The following MAPK10 variants were observed in gnomAD, a reference collection of about 807,000 sequenced individuals.
MAPK10 encodes the protein mitogen-activated protein kinase 10, also known as JNK3 alpha protein kinase.
A neutral mutation model predicts 59.3 loss-of-function variants in MAPK10; 25 were observed. The observed-to-expected ratio is 0.42, with a 90% CI of 0.31 to 0.59. MAPK10 has a LOEUF of 0.59. Ranked by LOEUF, MAPK10 falls within the 20% of genes least tolerant of loss-of-function variation. The probability of loss-of-function intolerance (pLI) is 0.15; values close to 1 mark genes in which losing one functional copy is unlikely to be tolerated. For synonymous variants in MAPK10, 190 were observed against 200.5 expected, an observed-to-expected ratio of 0.95 and a Z score of 0.44; for missense variants, 351 against 568.9, an observed-to-expected ratio of 0.62 and a Z score of 3.90.
chr4:86,389,624 C>T (rs1417339447), intron 1 of MAPK10, among the ~76,000 whole-genome samples: 1 of 152,082 alleles, frequency 6.6e-6, no homozygotes, highest in African/African-American at 2.4e-5. Context: ...ATGTGTAGTA[C>T]AGCCCCACAG....
chr4:86,419,473 T>C (rs1746245258), intron 1 of MAPK10, among the ~76,000 whole-genome samples: 1 of 152,176 alleles, frequency 6.6e-6, no homozygotes, highest in Non-Finnish European at 1.5e-5. Context: ...CTAATTACAC[T>C]GTAGGACTCA....
chr4:86,577,555 G>C (rs1412357273), intron 1 of MAPK10, among the ~76,000 whole-genome samples: 1 of 152,148 alleles, frequency 6.6e-6, no homozygotes, highest in East Asian at 1.9e-4. Flanking sequence ...ATGGAAAAAT[G>C]TGTTTGTTTG....
At chr4:86,148,649 C>G (rs2065604547) in intron 4 of MAPK10, among the ~76,000 whole-genome samples, 1 of 152,258 alleles carries the variant, frequency 6.6e-6, no homozygotes. Context: ...GAAACTATGA[C>G]TCCGTAATTT....
At chr4:86,121,165 C>G (rs1232039220) in intron 4 of MAPK10, among the ~76,000 whole-genome samples, 1 of 152,116 alleles carries the variant, frequency 6.6e-6, no homozygotes, top group Non-Finnish European at 1.5e-5. Flanking sequence ...ATTTGGGCTG[C>G]TATAACAAAA....
chr4:86,313,112 T>C (rs978737842), intron 2 of MAPK10, among the ~76,000 whole-genome samples: 1 of 152,084 alleles, frequency 6.6e-6, no homozygotes, highest in East Asian at 1.9e-4. Flanking sequence ...GATAGATAGA[T>C]ATACTTTTTA....
chr4:86,025,345 G>C, intron 13 of MAPK10: 1 of 393,582 alleles, frequency 2.5e-6, no homozygotes, highest in Non-Finnish European at 4.5e-6. Flanking sequence ...CTTGCCTGCA[G>C]CCACTTCTGC....
intron 3 of MAPK10, among the ~76,000 whole-genome samples, chr4:86,183,623 G>A (rs1311654643): frequency 3.3e-5 from 5 of 151,926 alleles, no homozygotes; most frequent in African/African-American, 1.2e-4. Flanking sequence ...TCTTTATAGT[G>A]GCATGATTTG....
At chr4:86,279,771 G>A (rs2094725389) in intron 2 of MAPK10, among the ~76,000 whole-genome samples, 2 of 152,084 alleles carry the variant, frequency 1.3e-5, no homozygotes, top group South Asian at 4.2e-4. Flanking sequence ...GCAGAATCAA[G>A]GAAGCAGAAA....
chr4:86,059,521 G>C (rs2045310425), intron 11 of MAPK10, among the ~76,000 whole-genome samples: 2 of 152,150 alleles, frequency 1.3e-5, no homozygotes, highest in Middle Eastern at 6.8e-3. Context: ...CTGTTACTCT[G>C]TTTCCCAGGT....
At chr4:86,212,438 C>T (rs184667359) in intron 2 of MAPK10, among the ~76,000 whole-genome samples, 2 of 152,200 alleles carry the variant, frequency 1.3e-5, no homozygotes, top group East Asian at 1.9e-4. Context: ...AGGAGGCTCA[C>T]TTGAGCCAGG....
rs1743362207 is a variant in MAPK10 at position 86,016,492 on chromosome 4, C to A, written c.*736G>T. Reference sequence around the variant, plus strand: ...CTTTCTACAAATTGGTATACAGGTGCCATTTAATCCATTCAAATTTGGAAG... The same window carrying A: ...CTTTCTACAAATTGGTATACAGGTGACATTTAATCCATTCAAATTTGGAAG... On this transcript the variant is annotated 3_prime_UTR_variant, in exon 14 of 14. Coordinates refer to ENST00000641462, the MANE Select transcript of MAPK10 (RefSeq NM_138982.4). The A allele has an allele frequency of 6.6e-6, 1 of 152,628 alleles. No homozygotes were observed. Among genetic ancestry groups the A allele is most frequent in the Non-Finnish European group, 1.5e-5 (1 of 68,048 alleles). The allele number at this position is 152,628 out of a possible 1,614,324, so 9.5% of individuals were successfully genotyped here. A position where few individuals can be genotyped will look rare whatever the true frequency, so the allele number is the denominator to read the frequency against.
At chr4:86,285,968 A>C (rs930640153) in intron 2 of MAPK10, among the ~76,000 whole-genome samples, 6 of 152,198 alleles carry the variant, frequency 3.9e-5, no homozygotes, top group African/African-American at 1.4e-4. Context: ...TCAGGCCCTC[A>C]ACAGATTGGA....
chr4:86,296,361 C>T (rs1039679357), intron 2 of MAPK10, among the ~76,000 whole-genome samples: 11 of 151,958 alleles, frequency 7.2e-5, no homozygotes, highest in Admixed American at 5.2e-4. Context: ...CAGAAGCTCC[C>T]TTCTGAGGGA....
intron 12 of MAPK10, among the ~76,000 whole-genome samples, chr4:86,030,218 T>G (rs2038681138): frequency 1.3e-5 from 2 of 152,174 alleles, no homozygotes; most frequent in African/African-American, 2.4e-5. Context: ...TTTCACTTGA[T>G]CCACTTTTTG....
At chr4:86,119,986 G>C (rs2058971695) in intron 4 of MAPK10, 1 of 152,284 alleles carries the variant, frequency 6.6e-6, no homozygotes, top group African/African-American at 2.4e-5. Flanking sequence ...TTCCACAGGT[G>C]TTGGCCCCCA....
At position 86,382,504 on chromosome 4, in the gene MAPK10, G is replaced by A. The variant is rs531110927; in HGVS notation, c.-121-27860C>T. ...TTTATGTTTAATAGCTCTCTCACCT[G>A]TGGACCGAAAAGCATTTGCGGATAT... On this transcript the variant is annotated intron_variant, in intron 1 of 13. Coordinates refer to the MAPK10 transcript ENST00000361569. Among the ~76,000 whole-genome samples the A allele has an allele frequency of 5.9e-5, 9 of 152,260 alleles. No individual in the cohort carries two copies. In the South Asian group the frequency reaches 1.7e-3, roughly 28 times the overall value.
intron 1 of MAPK10, among the ~76,000 whole-genome samples, chr4:86,410,872 G>T (rs572005520): frequency 1.3e-5 from 2 of 151,880 alleles, no homozygotes; most frequent in African/African-American, 2.4e-5. Context: ...TTGATTTTTC[G>T]GAAGGGTTTT....
chr4:86,037,077 T>C (rs143021927), intron 11 of MAPK10, among the ~76,000 whole-genome samples: 1 of 152,204 alleles, frequency 6.6e-6, no homozygotes, highest in African/African-American at 2.4e-5. Flanking sequence ...AATATGGCTG[T>C]TGGCAGACAG....
In MAPK10 at chr4:86,159,399, G is replaced by T; in HGVS notation, c.135C>A (p.Asp45Glu). Reference sequence around the variant, plus strand: ...CCACTTCCACACTGTAGAACTGGTTGTCAACTTTGCTTTTGCTCATGTTGT... The same window carrying T: ...CCACTTCCACACTGTAGAACTGGTTTTCAACTTTGCTTTTGCTCATGTTGT... ...KHYNMSKSKV[D>E]NQFYSVEVGD... Residue 45 changes from aspartate to glutamate, a missense_variant, in exon 4 of 14, where the codon GAC (aspartate) becomes GAA (glutamate). Around this residue, in one of 5 missense-constraint regions of MAPK10, gnomAD observed 61 missense variants for 58.4 expected, o/e 1.05. Coordinates refer to ENST00000641462, the MANE Select transcript of MAPK10 (RefSeq NM_138982.4). The T allele has an allele frequency of 1.2e-6, 2 of 1,612,672 alleles. No homozygotes were observed. Among genetic ancestry groups the T allele is most frequent in the Non-Finnish European group, 1.7e-6 (2 of 1,179,036 alleles).
Sources: allele counts gnomAD v4.1 joint callset (sites outside exome capture counted in the v4.1 genomes callset), GRCh38; gene constraint gnomAD v4.1.1; regional missense constraint gnomAD v4.1.1; transcripts MANE v1.5; gene names NCBI Gene and HGNC (gene_info 2026-07-23, HGNC 2026-07-21).